PKHD1L1: variants seen among roughly 807,000 people sequenced by gnomAD.
The protein encoded by PKHD1L1 is fibrocystin-L.
In PKHD1L1, 434 loss-of-function variants were observed where a neutral mutation model predicts 462.9. The observed-to-expected ratio is 0.94, with a 90% CI of 0.87 to 1.02. The LOEUF (loss-of-function observed/expected upper bound fraction) is 1.02, where lower values mean the gene tolerates loss of function less well. PKHD1L1 is among the 50% of genes least tolerant of loss of function. The pLI, the probability that PKHD1L1 is intolerant of heterozygous loss-of-function variation, is 0.00. For synonymous variants in PKHD1L1, 1,781 were observed against 1,750.0 expected (o/e 1.02, Z -0.44); for missense variants, 5,202 against 5,096.1 (o/e 1.02, Z -0.63).
Position 109,507,906 on chromosome 8 carries a change from T to A in PKHD1L1, c.11227+11T>A. 2 of 1,612,370 alleles carry A rather than the reference T, an allele frequency of 1.2e-6. No individual in the cohort carries two copies. The highest frequency in any genetic ancestry group is 1.7e-6 in the Non-Finnish European group (2 of 1,178,648). ...AAGCACCTCATAAAGGTTTGTTGGA[T>A]CTTGCTTAATCTGTCATTAGGCCTT... On this transcript the variant is annotated intron_variant, in intron 69 of 77. Coordinates refer to ENST00000378402, the MANE Select transcript of PKHD1L1 (RefSeq NM_177531.6).
Position 109,498,645 on chromosome 8 carries a change from T to C in PKHD1L1, c.10712-10T>C. 1 of 1,613,538 alleles carries C rather than the reference T, an allele frequency of 6.2e-7. No individual in the cohort carries two copies. The highest frequency in any genetic ancestry group is 1.1e-5 in the South Asian group (1 of 91,058). On this transcript the variant is annotated splice_polypyrimidine_tract_variant and intron_variant, in intron 66 of 77. Transcript: ENST00000378402. ...TCAATTTTCATTAACTTTTTCTTTTTTGGTAAAAGGTGGGAGAAGTGGGAT... is the reference window on the plus strand; with the variant it reads ...TCAATTTTCATTAACTTTTTCTTTTCTGGTAAAAGGTGGGAGAAGTGGGAT...
Position 109,433,094 on chromosome 8 carries a change from G to T in PKHD1L1, c.3230-12G>T. 2.6e-6 allele frequency: 4 copies of T among 1,539,388 alleles called. No homozygotes were observed. The South Asian group carries it at 4.7e-5, about 18-fold the overall frequency. ...TAACTTTAATATTGTTATTTAAATTGATCATTTTTAGGGTCCTATGAAGAA... is the reference window on the plus strand; with the variant it reads ...TAACTTTAATATTGTTATTTAAATTTATCATTTTTAGGGTCCTATGAAGAA... On this transcript the variant is annotated splice_polypyrimidine_tract_variant and intron_variant, in intron 27 of 77. Coordinates refer to ENST00000378402, the MANE Select transcript of PKHD1L1 (RefSeq NM_177531.6).
chr8:109,438,824 A>C (rs1815595612), intron 31 of PKHD1L1, 73 bp from the exon 32 acceptor site: 1 of 1,144,954 alleles, frequency 8.7e-7, no homozygotes, highest in Admixed American at 2.7e-5. Flanking sequence ...GAATTGATTT[A>C]TTTAATATGC....
chr8:109,424,794 C>T (rs1008315069), intron 23 of PKHD1L1, among the ~76,000 whole-genome samples: 1 of 152,146 alleles, frequency 6.6e-6, no homozygotes, highest in Non-Finnish European at 1.5e-5. Flanking sequence ...AGAGTGCCTG[C>T]TCAATAAATA....
rs765091518 is a variant in PKHD1L1 at position 109,442,944 on chromosome 8, A to G, written c.4394-2A>G. The G allele has an allele frequency of 4.3e-6, 7 of 1,612,416 alleles. No individual in the cohort carries two copies. The highest frequency in any genetic ancestry group is 5.9e-6 in the Non-Finnish European group (7 of 1,178,782). On this transcript the variant is annotated splice_acceptor_variant, in intron 35 of 77. Coordinates refer to ENST00000378402, the MANE Select transcript of PKHD1L1 (RefSeq NM_177531.6). LOFTEE classifies it high-confidence loss of function. ...ATTACGTACAATCTCATTTTATGGC[A>G]GGTTCATTTTCTTACCAATTTACTT...
Position 109,486,762 on chromosome 8 carries a change from A to G in PKHD1L1, c.9821A>G (p.Asp3274Gly). The change falls in exon 59 of 78, where the codon GAC becomes GGC. Residue 3274 changes from aspartate (D) to glycine (G), a missense_variant. Asp to Gly is a moderately conservative substitution (Grantham distance 94). Transcript: ENST00000378402. The part of the protein sequence containing the change: ...VGEDYPGWSE[D>G]SFGARVLVGS... ...GAAGATTACCCCGGTTGGTCTGAGG[A>G]CTCTTTTGGAGCACGCGTACTGGTT... 1 of 1,612,166 alleles carries G rather than the reference A, an allele frequency of 6.2e-7. No homozygotes were observed. Among genetic ancestry groups the G allele is most frequent in the Non-Finnish European group, 8.5e-7 (1 of 1,178,826 alleles).
rs116863919 is a variant in PKHD1L1, at chr8:109,444,778, G to C, written c.4909G>C (p.Val1637Leu). ...TATCAGGGAAACTGTCACTTTGACTGTCTACAACCTGGGCACTGCTATCAA... is the reference window on the plus strand; with the variant it reads ...TATCAGGGAAACTGTCACTTTGACTCTCTACAACCTGGGCACTGCTATCAA... ...VGIRETVTLT[V>L]YNLGTAINTL... The change falls in exon 38 of 78, where the codon GTC (valine) becomes CTC (leucine). Residue 1637 changes from valine to leucine, a missense_variant. Around this residue, in one of 3 missense-constraint regions of PKHD1L1, gnomAD observed 4,497 missense variants for 4,336.8 expected, o/e 1.04. Transcript: ENST00000378402. 402 of 1,613,978 alleles carry C rather than the reference G, an allele frequency of 2.5e-4. 3 individuals carry two copies. The East Asian group carries it at 8.4e-3, about 34-fold the overall frequency.
At chr8:109,473,824 C>T (rs1424841403) in intron 50 of PKHD1L1, among the ~76,000 whole-genome samples, 2 of 152,112 alleles carry the variant, frequency 1.3e-5, no homozygotes, top group Non-Finnish European at 2.9e-5. Flanking sequence ...CACATGTACT[C>T]GTTCCAGGTG....
At chr8:109,381,559 G>A in intron 3 of PKHD1L1, 45 bp downstream of exon 3, 2 of 1,381,034 alleles carry the variant, frequency 1.4e-6, no homozygotes, top group East Asian at 5.0e-5. Context: ...CATCATATCA[G>A]AAGTTACAGT....
Position 109,408,128 on chromosome 8 carries a change from A to C in PKHD1L1, c.1893A>C (p.Lys631Asn). 1.9e-6 allele frequency: 3 copies of C among 1,613,322 alleles called. No individual in the cohort carries two copies. The Middle Eastern group carries it at 5.0e-4, about 266-fold the overall frequency. Reference sequence around the variant, plus strand: ...ATATTACAGAACAAACCAAAGGAAAACCCAACTTGGAGACATTCACACTGA... The same window carrying C: ...ATATTACAGAACAAACCAAAGGAAACCCCAACTTGGAGACATTCACACTGA... ...TLDITEQTKG[K>N]PNLETFTLNW... The change falls in exon 18 of 78, where the codon AAA becomes AAC. Residue 631 changes from lysine (K) to asparagine (N), a missense_variant. Lys to Asn is a moderately conservative substitution (Grantham distance 94, BLOSUM62 0). This residue lies in a region of PKHD1L1 where 4,497 missense variants were observed against 4,336.8 expected (regional missense o/e 1.04). Transcript: ENST00000378402.
At chr8:109,383,965 C>T in intron 4 of PKHD1L1, 105 bp from the exon 5 acceptor site, 2 of 793,816 alleles carry the variant, frequency 2.5e-6, no homozygotes, top group Non-Finnish European at 4.4e-6. Flanking sequence ...ATGACAGTTA[C>T]ATTATGAATA....
intron 71 of PKHD1L1, 115 bp downstream of exon 71, chr8:109,511,049 C>G (rs953802679): frequency 1.7e-6 from 2 of 1,189,418 alleles, no homozygotes; most frequent in Non-Finnish European, 2.3e-6. Flanking sequence ...AGCTCATTTC[C>G]AAGGATGCAT....
At chr8:109,471,299 C>T (rs544736037) in intron 50 of PKHD1L1, among the ~76,000 whole-genome samples, 1 of 152,162 alleles carries the variant, frequency 6.6e-6, no homozygotes, top group Non-Finnish European at 1.5e-5. Flanking sequence ...TTCATTTTAA[C>T]TGGCATGTCA....
chr8:109,428,023 CAAAAAAAAAAAAA>C lies in PKHD1L1; in HGVS notation c.3000+884_3000+896del, dbSNP rs55963339. On this transcript the variant is annotated intron_variant, in intron 25 of 77. Transcript: ENST00000378402. ...GGGCAACAAGAGCAAAACTCCGTCTCAAAAAAAAAAAAAAAAAAAAAAAAAAAAATGCTTTCTG... is the reference window on the plus strand; with the variant it reads ...GGGCAACAAGAGCAAAACTCCGTCTCAAAAAAAAAAAAAAAATGCTTTCTG... Among the ~76,000 whole-genome samples the C allele has an allele frequency of 1.9e-3, 133 of 70,276 alleles. 1 individual carries two copies. The highest frequency in any genetic ancestry group is 4.6e-3 in the African/African-American group (118 of 25,446). The allele number at this position is 70,276 out of a possible 152,430, so 46.1% of individuals were successfully genotyped here. A position where few individuals can be genotyped will look rare whatever the true frequency, so the allele number is the denominator to read the frequency against.
At chr8:109,415,138 G>A (rs1168418346) in intron 21 of PKHD1L1, among the ~76,000 whole-genome samples, 1 of 151,796 alleles carries the variant, frequency 6.6e-6, no homozygotes, top group East Asian at 1.9e-4. Flanking sequence ...AAGTAGCTGG[G>A]ACTGCAGGTG....
At chr8:109,446,903 C>T (rs1461768153) in intron 38 of PKHD1L1, among the ~76,000 whole-genome samples, 4 of 152,150 alleles carry the variant, frequency 2.6e-5, no homozygotes, top group Non-Finnish European at 4.4e-5. Context: ...ATGTTAAGAC[C>T]TGTAAAACTT....
chr8:109,388,517 C>A lies in PKHD1L1; in HGVS notation c.590C>A (p.Pro197His). ...RILRVYIGGM[P>H]CELLIPQSDN... is the part of the protein sequence containing the mutation. ...TACAGAGTTTACATTGGAGGAATGC[C>A]CTGTGAGCTTCTCATACCACAATCT... Residue 197 changes from proline (P) to histidine (H), a missense_variant, in exon 7 of 78, where the codon CCC (proline) becomes CAC (histidine). Physicochemically the swap from Pro to His is moderately conservative, Grantham distance 77 (BLOSUM62 -2). Coordinates refer to ENST00000378402, the MANE Select transcript of PKHD1L1 (RefSeq NM_177531.6). 1 of 1,518,598 alleles carries A rather than the reference C, an allele frequency of 6.6e-7. No individual in the cohort carries two copies. 94.1% of individuals were successfully genotyped at this position (1,518,598 alleles called of 1,614,324 possible). A position where few individuals can be genotyped will look rare whatever the true frequency, so the allele number is the denominator to read the frequency against.
Position 109,401,533 on chromosome 8 carries a change from T to C in PKHD1L1, c.1318T>C (p.Tyr440His), listed in dbSNP as rs964307. The C allele has an allele frequency of 0.32, 506,610 of 1,583,974 alleles. 84,972 individuals carry two copies. The highest frequency in any genetic ancestry group is 0.5 in the Admixed American group (29,648 of 59,288). The change falls in exon 14 of 78, where the codon TAT (tyrosine) becomes CAT (histidine). Residue 440 changes from tyrosine (Y) to histidine (H), a missense_variant. By Grantham distance (83) the Tyr-to-His change is moderately conservative (BLOSUM62 2). Coordinates refer to ENST00000378402, the MANE Select transcript of PKHD1L1 (RefSeq NM_177531.6). ...IAYHSANANS[Y>H]FSSPTQRSDD... Reference sequence around the variant, plus strand: ...ATATCATTCTGCTAATGCCAACAGTTATTTTTCCAGTCCAACACAAAGATC... The same window carrying C: ...ATATCATTCTGCTAATGCCAACAGTCATTTTTCCAGTCCAACACAAAGATC...
intron 67 of PKHD1L1, 83 bp downstream of exon 67, chr8:109,498,854 AG>A: frequency 8.2e-7 from 1 of 1,220,116 alleles, no homozygotes; most frequent in Non-Finnish European, 1.1e-6. Flanking sequence ...TTTCATTGTT[AG>A]TAAAAATGAT....
Sources: allele counts gnomAD v4.1 joint callset (sites outside exome capture counted in the v4.1 genomes callset), GRCh38; gene constraint gnomAD v4.1.1; regional missense constraint gnomAD v4.1.1; transcripts MANE v1.5; gene names NCBI Gene and HGNC (gene_info 2026-07-23, HGNC 2026-07-21).